The following P2RX4 variants were observed in gnomAD, a reference collection of about 807,000 sequenced individuals.
P2RX4 encodes purinergic receptor P2X 4.
P2RX4 carries 37 observed loss-of-function variants against 48.0 expected under a neutral mutation model. The observed-to-expected ratio is 0.77, with a 90% CI of 0.59 to 1.01. The LOEUF is 1.01. Among genes scored for constraint, P2RX4 ranks in the 50% least tolerant of loss-of-function variants. The pLI is 0.00. For missense variants in P2RX4, 501 were observed against 521.4 expected, an observed-to-expected ratio of 0.96 and a Z score of 0.38; for synonymous variants, 200 against 199.7, an observed-to-expected ratio of 1.00 and a Z score of -0.01.
rs368895867 is a variant in P2RX4 at position 121,228,615 on chromosome 12, T to A, written c.605+2T>A. The stretch of plus-strand genomic sequence containing the variant: ...GTATCCCAAATTTAATTTCAGCAAG[T>A]AAGTGGTGGCCAGGTGTGTGAGTTC... On this transcript the variant is annotated splice_donor_variant, in intron 6 of 11. Coordinates refer to ENST00000337233, the MANE Select transcript of P2RX4 (RefSeq NM_002560.3). LOFTEE classifies it high-confidence loss of function. 1.2e-6 allele frequency: 2 copies of A among 1,613,610 alleles called. No individual in the cohort carries two copies. The highest frequency in any genetic ancestry group is 2.2e-5 in the South Asian group (2 of 91,010).
Position 121,228,618 on chromosome 12 carries a change from G to A in P2RX4, c.605+5G>A, listed in dbSNP as rs1566009450. On this transcript the variant is annotated splice_donor_5th_base_variant and intron_variant, in intron 6 of 11. Transcript: ENST00000337233. Reference sequence around the variant, plus strand: ...TCCCAAATTTAATTTCAGCAAGTAAGTGGTGGCCAGGTGTGTGAGTTCACC... The same window carrying A: ...TCCCAAATTTAATTTCAGCAAGTAAATGGTGGCCAGGTGTGTGAGTTCACC... 2 of 1,613,530 alleles carry A rather than the reference G, an allele frequency of 1.2e-6. No homozygotes were observed. Among genetic ancestry groups the A allele is most frequent in the Non-Finnish European group, 8.5e-7 (1 of 1,179,680 alleles).
chr12:121,223,192 A>G, intron 5 of P2RX4, 149 bp downstream of exon 5: 1 of 632,088 alleles, frequency 1.6e-6, no homozygotes, highest in South Asian at 1.8e-5. Flanking sequence ...TCTGTGCCTC[A>G]GCCTCCCGAG....
chr12:121,219,166 C>T (rs535969329), intron 2 of P2RX4, among the ~76,000 whole-genome samples: 193 of 152,294 alleles, frequency 1.3e-3, no homozygotes, highest in African/African-American at 4.4e-3. Context: ...CACCTGGGAA[C>T]GTGACAGGTG....
intron 3 of P2RX4, 39 bp downstream of exon 3, chr12:121,222,023 C>G (rs772164144): frequency 3.1e-5 from 50 of 1,597,398 alleles, no homozygotes; most frequent in Non-Finnish European, 4.2e-5. Flanking sequence ...CCCCACACCC[C>G]TCTCCACGCC....
intron 2 of P2RX4, 99 bp downstream of exon 2, chr12:121,217,380 C>T: frequency 3.5e-6 from 4 of 1,151,266 alleles, no homozygotes; most frequent in Non-Finnish European, 5.2e-6. Context: ...GTCCTGACAT[C>T]ACCAATGCCC....
At position 121,229,486 on chromosome 12, in the gene P2RX4, G is replaced by A. The variant is rs1394040420; in HGVS notation, c.884+387G>A. On this transcript the variant is annotated intron_variant, in intron 8 of 11. Transcript: ENST00000337233. The surrounding 1 kb of genome is among the most constrained non-coding windows in gnomAD (Gnocchi z 4.6). ...CCTCTGGGGCCTGGCCCAGGAATTGGTTTCTCAAAGGTTGAACCTGTGCCA... is the reference window on the plus strand; with the variant it reads ...CCTCTGGGGCCTGGCCCAGGAATTGATTTCTCAAAGGTTGAACCTGTGCCA... 6.6e-6 allele frequency among the ~76,000 whole-genome samples: 1 copy of A among 152,182 alleles called. No individual in the cohort carries two copies. The highest frequency in any genetic ancestry group is 2.4e-5 in the African/African-American group (1 of 41,458).
At chr12:121,228,386 ATAT>A (rs144090615) in intron 5 of P2RX4, 144 bp from the exon 6 acceptor site, 7,972 of 111,726 alleles carry the variant, frequency 0.071, 542 homozygotes, top group Non-Finnish European at 0.1. Flanking sequence ...AAAAAAAAAA[ATAT>A]ATATATATAT....
intron 8 of P2RX4, among the ~76,000 whole-genome samples, chr12:121,230,252 G>A (rs1887251471): frequency 6.6e-6 from 1 of 152,226 alleles, no homozygotes; most frequent in Admixed American, 6.5e-5. Flanking sequence ...GCATGGTGGC[G>A]CATGCCTGTA....
intron 5 of P2RX4, among the ~76,000 whole-genome samples, chr12:121,226,480 T>C (rs1459468268): frequency 6.6e-6 from 1 of 151,272 alleles, no homozygotes; most frequent in African/African-American, 2.4e-5. Context: ...GAGATAGAAG[T>C]TGCAGTGAGC....
At chr12:121,222,310 T>G in intron 4 of P2RX4, 144 bp downstream of exon 4, 1 of 649,416 alleles carries the variant, frequency 1.5e-6, no homozygotes, top group South Asian at 1.7e-5. Context: ...GGAGCCCCTC[T>G]ACATTCACTG....
Position 121,232,441 on chromosome 12 carries a change from T to C in P2RX4, c.912T>C (p.Ala304=). The stretch of plus-strand genomic sequence containing the variant: ...TTGCCAAGTACTACAGAGACCTGGC[T>C]GGCAACGAGCAGCGCACGCTCATCA... The part of the protein sequence containing the change: ...FRFAKYYRDL[A]GNEQRTLIKA... The change falls in exon 9 of 12, where the codon GCT becomes GCC. Residue 304 remains alanine (A), a synonymous_variant. Transcript: ENST00000337233. This position sits in a 1 kb window ranked among gnomAD's most constrained non-coding sequence, Gnocchi z 4.3. 2 of 1,614,008 alleles carry C rather than the reference T, an allele frequency of 1.2e-6. No homozygotes were observed. The highest frequency in any genetic ancestry group is 1.7e-6 in the Non-Finnish European group (2 of 1,179,914).
intron 5 of P2RX4, among the ~76,000 whole-genome samples, chr12:121,224,317 A>G (rs1886843550): frequency 6.6e-6 from 1 of 152,140 alleles, no homozygotes; most frequent in Non-Finnish European, 1.5e-5. Flanking sequence ...TAAACTAGAC[A>G]GGTTCATCCT....
At position 121,233,487 on chromosome 12, in the gene P2RX4, A is replaced by C. The variant is rs747065007; in HGVS notation, c.1141-36A>C. 1.9e-6 allele frequency: 3 copies of C among 1,596,266 alleles called. No individual in the cohort carries two copies. In the African/African-American group the frequency reaches 4.0e-5, roughly 21 times the overall value. On this transcript the variant is annotated intron_variant, in intron 11 of 11. Coordinates refer to ENST00000337233, the MANE Select transcript of P2RX4 (RefSeq NM_002560.3). ...CCTCCCGCCTGCCACAAGGGGTCCC[A>C]GGGGCACCTTGATCTGCTTGTGTCC...
chr12:121,210,256 T>C lies in P2RX4; in HGVS notation c.92T>C (p.Met31Thr). Residue 31 changes from methionine to threonine, a missense_variant, in exon 1 of 12, where the codon ATG (methionine) becomes ACG (threonine). Met to Thr is a moderately conservative substitution (Grantham distance 81). Transcript: ENST00000337233. ...VLIRSRKVGL[M>T]NRAVQLLILA... ...ATCCGCAGCCGCAAAGTGGGGCTCA[T>C]GAACCGCGCCGTGCAACTGCTCATC... The C allele has an allele frequency of 6.4e-7, 1 of 1,560,178 alleles. No homozygotes were observed. The highest frequency in any genetic ancestry group is 8.6e-7 in the Non-Finnish European group (1 of 1,157,682).
At chr12:121,218,636 C>A (rs1371029894) in intron 2 of P2RX4, among the ~76,000 whole-genome samples, 1 of 152,084 alleles carries the variant, frequency 6.6e-6, no homozygotes, top group Non-Finnish European at 1.5e-5. Flanking sequence ...GGTGTGTTTA[C>A]TGGGCAGATG....
chr12:121,229,362 G>C lies in P2RX4; in HGVS notation c.884+263G>C, dbSNP rs1052002631. On this transcript the variant is annotated intron_variant, in intron 8 of 11. Coordinates refer to ENST00000337233, the MANE Select transcript of P2RX4 (RefSeq NM_002560.3). The surrounding 1 kb of genome is among the most constrained non-coding windows in gnomAD (Gnocchi z 4.6). ...TTGAGATGGTTCTTAGAGCAGCCAG[G>C]AGAAGCTGGGGGCTTAAGCTTTCCA... Among the ~76,000 whole-genome samples, 3 of 152,174 alleles carry C rather than the reference G, an allele frequency of 2.0e-5. No homozygotes were observed. Among genetic ancestry groups the C allele is most frequent in the Admixed American group, 6.5e-5 (1 of 15,282 alleles).
At chr12:121,212,824 A>ATATATATTTTTTTT (rs370835501) in intron 1 of P2RX4, 11 of 32,246 alleles carry the variant, frequency 3.4e-4, no homozygotes, top group Admixed American at 5.4e-4. Context: ...ATATATATAT[A>ATATATATTTTTTTT]TTTTTTTTTT....
Position 121,232,326 on chromosome 12 carries a change from C to T in P2RX4, c.885-88C>T. On this transcript the variant is annotated intron_variant, in intron 8 of 11. Coordinates refer to ENST00000337233, the MANE Select transcript of P2RX4 (RefSeq NM_002560.3). This position sits in a 1 kb window ranked among gnomAD's most constrained non-coding sequence, Gnocchi z 4.3. ...TTCAGCCGGCAGAGTGGACCATTCA[C>T]CTGTGCCAGCTCCACTCTAACGTTC... 1.1e-6 allele frequency: 1 copy of T among 928,108 alleles called. No homozygotes were observed. Among genetic ancestry groups the T allele is most frequent in the Non-Finnish European group, 1.8e-6 (1 of 569,722 alleles). The allele number at this position is 928,108 out of a possible 1,614,324, so 57.5% of individuals were successfully genotyped here. A position where few individuals can be genotyped will look rare whatever the true frequency, so the allele number is the denominator to read the frequency against.
At chr12:121,217,064 A>C in intron 1 of P2RX4, 70 bp from the exon 2 acceptor site, 12 of 1,445,390 alleles carry the variant, frequency 8.3e-6, no homozygotes, top group African/African-American at 2.8e-5. Flanking sequence ...ACTGGCCAGC[A>C]GAAGCTTCCC....
Sources: allele counts gnomAD v4.1 joint callset (sites outside exome capture counted in the v4.1 genomes callset), GRCh38; gene constraint gnomAD v4.1.1; non-coding constraint Gnocchi (gnomAD v3.1); transcripts MANE v1.5; gene names NCBI Gene and HGNC (gene_info 2026-07-23, HGNC 2026-07-21).